PACSIN2: variants seen among roughly 807,000 people sequenced by gnomAD.
PACSIN2 encodes the protein protein kinase C and casein kinase substrate in neurons 2.
A neutral mutation model predicts 63.8 loss-of-function variants in PACSIN2; 25 were observed. The observed-to-expected ratio is 0.39, with a 90% confidence interval of 0.29 to 0.55. The LOEUF is 0.55. PACSIN2 is among the 20% of genes least tolerant of loss of function. The pLI is 0.62. For synonymous variants in PACSIN2, 255 were observed against 256.2 expected, an observed-to-expected ratio of 1.00 and a Z score of 0.05; for missense variants, 518 against 646.9, an observed-to-expected ratio of 0.80 and a Z score of 2.16.
At position 43,012,162 on chromosome 22, in the gene PACSIN2, C is replaced by A. The variant is rs576055358; in HGVS notation, c.-78+2859G>T. Among the ~76,000 whole-genome samples, 455 of 116,822 alleles carry A rather than the reference C, an allele frequency of 3.9e-3. 2 individuals are homozygous for A. Among genetic ancestry groups the A allele is most frequent in the African/African-American group, 0.023 (439 of 19,190 alleles). 76.6% of individuals were successfully genotyped at this position (116,822 alleles called of 152,430 possible). Reference sequence around the variant, plus strand: ...CTGTCTCAAAATAAATAAATACATACATACATACATACATACATACATACA... The same window carrying A: ...CTGTCTCAAAATAAATAAATACATAAATACATACATACATACATACATACA... On this transcript the variant is annotated intron_variant, in intron 1 of 10. Coordinates refer to ENST00000263246, the MANE Select transcript of PACSIN2 (RefSeq NM_001184970.3).
intron 5 of PACSIN2, among the ~76,000 whole-genome samples, chr22:42,886,396 C>T (rs1929478531): frequency 1.3e-5 from 2 of 151,768 alleles, no homozygotes; most frequent in Non-Finnish European, 1.5e-5. Context: ...CATGTGCAAC[C>T]AGTCAGCAAT....
chr22:42,882,201 T>G lies in PACSIN2; in HGVS notation c.889A>C (p.Asn297His). The G allele has an allele frequency of 2.5e-6, 4 of 1,614,052 alleles. No homozygotes were observed. Among genetic ancestry groups the G allele is most frequent in the Non-Finnish European group, 3.4e-6 (4 of 1,179,984 alleles). ...CCTCTTACCTCAAACTGCGGCCAGT[T>G]CATGGCCATGCCCGGCCCGTGATTG... ...RANHGPGMAM[N>H]WPQFEEWSAD... The change falls in exon 7 of 11, where the codon AAC becomes CAC. Residue 297 changes from asparagine (N) to histidine (H), a missense_variant. By Grantham distance (68) the Asn-to-His change is moderately conservative. Coordinates refer to ENST00000263246, the MANE Select transcript of PACSIN2 (RefSeq NM_001184970.3).
intron 2 of PACSIN2, chr22:42,909,634 G>T: frequency 2.1e-6 from 1 of 469,982 alleles, no homozygotes. Flanking sequence ...CAGGCAAAAG[G>T]AGATGTTCTT....
chr22:42,931,762 A>T (rs1932782973), intron 1 of PACSIN2, among the ~76,000 whole-genome samples: 1 of 152,212 alleles, frequency 6.6e-6, no homozygotes, highest in Non-Finnish European at 1.5e-5. Context: ...TGCAGAGATC[A>T]CGTTGTTATT....
At position 42,884,492 on chromosome 22, in the gene PACSIN2, C is replaced by G. The variant is rs1238063015; in HGVS notation, c.679G>C (p.Glu227Gln). Residue 227 changes from glutamate to glutamine, a missense_variant, in exon 6 of 11, where the codon GAG becomes CAG. Physicochemically the swap from Glu to Gln is conservative, Grantham distance 29. Transcript: ENST00000263246. ...TGCTGGCACTGCTCAAACACCTGCT[C>G]CATGTTCTCCATGTACTGGGGTGTG... ...QGTPQYMENMEQVFEQCQQFE... is the reference protein window; with the variant it reads ...QGTPQYMENMQQVFEQCQQFE... The G allele has an allele frequency of 6.2e-7, 1 of 1,614,178 alleles. No homozygotes were observed. The highest frequency in any genetic ancestry group is 1.1e-5 in the South Asian group (1 of 91,090).
intron 1 of PACSIN2, among the ~76,000 whole-genome samples, chr22:42,968,614 G>T (rs1022417803): frequency 6.6e-6 from 1 of 152,124 alleles, no homozygotes; most frequent in Non-Finnish European, 1.5e-5. Context: ...GTGTCCATGG[G>T]GCTGTTTCCA....
chr22:42,926,958 C>T (rs547190915), intron 1 of PACSIN2, among the ~76,000 whole-genome samples: 8 of 152,286 alleles, frequency 5.3e-5, no homozygotes, highest in South Asian at 4.1e-4. Context: ...CTGAAGCTCA[C>T]GATTCCTGTT....
intron 9 of PACSIN2, 141 bp from the exon 10 acceptor site, chr22:42,876,474 C>T: frequency 1.5e-6 from 1 of 672,898 alleles, no homozygotes; most frequent in Non-Finnish European, 2.5e-6. Context: ...GGAGCCAGTG[C>T]TAGTGTGAGT....
chr22:42,957,911 G>C (rs2146843395), intron 1 of PACSIN2, among the ~76,000 whole-genome samples: 1 of 152,232 alleles, frequency 6.6e-6, no homozygotes, highest in Admixed American at 6.5e-5. Flanking sequence ...TCTCCCCTGA[G>C]CTAGGGGAGA....
intron 1 of PACSIN2, among the ~76,000 whole-genome samples, chr22:42,990,018 A>C (rs1403849406): frequency 4.0e-5 from 1 of 25,080 alleles, no homozygotes; most frequent in Non-Finnish European, 6.9e-5. Context: ...ATATATATAC[A>C]CACATATGTA....
rs1294001539 is a variant in PACSIN2, at chr22:42,891,128, T to G, written c.272A>C (p.Glu91Ala). ...CTCGAGGTGCAGCTCGCTCACCCTC[T>G]CTGCCTCGGACATGAAGGCCATCCA... ...KAWMAFMSEA[E>A]RVSELHLEVK... The change falls in exon 4 of 11, where the codon GAG (glutamate) becomes GCG (alanine). Residue 91 changes from glutamate to alanine, a missense_variant. By Grantham distance (107) the Glu-to-Ala change is moderately radical. This residue lies in a region of PACSIN2 where 507 missense variants were observed against 612.3 expected (regional missense o/e 0.83). Coordinates refer to ENST00000263246, the MANE Select transcript of PACSIN2 (RefSeq NM_001184970.3). 6.2e-7 allele frequency: 1 copy of G among 1,614,132 alleles called. No homozygotes were observed.
intron 3 of PACSIN2, among the ~76,000 whole-genome samples, chr22:42,893,130 G>A (rs1157390556): frequency 6.6e-6 from 1 of 152,200 alleles, no homozygotes; most frequent in African/African-American, 2.4e-5. Context: ...AGAAACTAAG[G>A]TGCCAAGCGG....
chr22:42,877,409 G>T (rs560028187), intron 8 of PACSIN2, among the ~76,000 whole-genome samples: 65 of 152,268 alleles, frequency 4.3e-4, no homozygotes, highest in African/African-American at 1.5e-3. Context: ...CTCTGAGAGT[G>T]ACAGTGTGGG....
At chr22:42,907,243 T>C (rs988065827) in intron 2 of PACSIN2, among the ~76,000 whole-genome samples, 6 of 152,124 alleles carry the variant, frequency 3.9e-5, no homozygotes, top group Middle Eastern at 3.4e-3. Context: ...TGCTAAAGAG[T>C]ATGCTTCTAT....
intron 1 of PACSIN2, among the ~76,000 whole-genome samples, chr22:42,971,881 T>C (rs1440634233): frequency 6.6e-3 from 214 of 32,668 alleles, no homozygotes; most frequent in East Asian, 0.013. Context: ...GCAGCCCCGT[T>C]CGGGAGGTGG....
intron 1 of PACSIN2, among the ~76,000 whole-genome samples, chr22:42,934,213 T>C (rs1932842628): frequency 1.3e-5 from 2 of 152,228 alleles, no homozygotes; most frequent in Admixed American, 6.5e-5. Context: ...ACTGAGGCTT[T>C]GAATAAAAAC....
Position 42,888,627 on chromosome 22 carries a change from C to T in PACSIN2, c.609+16G>A, listed in dbSNP as rs1315876856. On this transcript the variant is annotated intron_variant, in intron 5 of 10. Coordinates refer to ENST00000263246, the MANE Select transcript of PACSIN2 (RefSeq NM_001184970.3). ...CACGGTGACACTCGACGTGTAAAAA[C>T]AAGTGTACAGTTTACCTTAAGAACA... is the stretch of plus-strand genomic sequence containing the variant. The T allele has an allele frequency of 1.2e-6, 2 of 1,613,686 alleles. No individual in the cohort carries two copies. The highest frequency in any genetic ancestry group is 2.7e-5 in the African/African-American group (2 of 75,060).
Position 42,888,757 on chromosome 22 carries a change from C to G in PACSIN2, c.495G>C (p.Glu165Asp), listed in dbSNP as rs778135933. The change falls in exon 5 of 11, where the codon GAG becomes GAC. Residue 165 changes from glutamate to aspartate, a missense_variant. Physicochemically the swap from Glu to Asp is conservative, Grantham distance 45. This residue lies in a region of PACSIN2 where 507 missense variants were observed against 612.3 expected (regional missense o/e 0.83). Coordinates refer to ENST00000263246, the MANE Select transcript of PACSIN2 (RefSeq NM_001184970.3). Reference sequence around the variant, plus strand: ...CTTCTCGTGAGATAGCCAGCTTCTCCTCTTTGCACGCTGCATGGTGGGCTT... The same window carrying G: ...CTTCTCGTGAGATAGCCAGCTTCTCGTCTTTGCACGCTGCATGGTGGGCTT... ...AKKAHHAACK[E>D]EKLAISREAN... The G allele has an allele frequency of 6.2e-6, 10 of 1,614,220 alleles. No homozygotes were observed. The highest frequency in any genetic ancestry group is 8.5e-6 in the Non-Finnish European group (10 of 1,180,026).
At chr22:42,930,782 A>G (rs1932766110) in intron 1 of PACSIN2, among the ~76,000 whole-genome samples, 1 of 152,242 alleles carries the variant, frequency 6.6e-6, no homozygotes, top group Non-Finnish European at 1.5e-5. Context: ...AAACAGAGGC[A>G]TAAGAGTGTT....
Sources: allele counts gnomAD v4.1 joint callset (sites outside exome capture counted in the v4.1 genomes callset), GRCh38; gene constraint gnomAD v4.1.1; regional missense constraint gnomAD v4.1.1; transcripts MANE v1.5; gene names NCBI Gene and HGNC (gene_info 2026-07-23, HGNC 2026-07-21).